The following PTK2 variants were observed in gnomAD, a reference collection of about 807,000 sequenced individuals.
PTK2 encodes focal adhesion kinase 1.
Under a neutral mutation model 150.1 loss-of-function variants are expected in PTK2, and 45 were observed. That is an observed-to-expected ratio of 0.30 (90% confidence interval 0.24 to 0.38). PTK2 has a LOEUF of 0.38. Among genes scored for constraint, PTK2 ranks in the 10% least tolerant of loss-of-function variants. The probability of loss-of-function intolerance (pLI) is 1.00; values close to 1 mark genes in which losing one functional copy is unlikely to be tolerated. For missense variants in PTK2, 919 were observed against 1,307.3 expected, an observed-to-expected ratio of 0.70 and a Z score of 4.58; for synonymous variants, 432 against 449.2, an observed-to-expected ratio of 0.96 and a Z score of 0.48.
intron 22 of PTK2, among the ~76,000 whole-genome samples, chr8:140,723,648 C>G (rs1406973645): frequency 6.6e-6 from 1 of 152,178 alleles, no homozygotes; most frequent in African/African-American, 2.4e-5. Context: ...AAGCTCTTAG[C>G]TGCCTAATGT....
exon 1 of PTK2, chr8:141,001,127 G>A (rs948903479): frequency 2.0e-4 from 30 of 151,448 alleles, no homozygotes; most frequent in African/African-American, 5.8e-4. Flanking sequence ...GCACTCACTC[G>A]GACCGCGGCT....
intron 26 of PTK2, among the ~76,000 whole-genome samples, chr8:140,698,391 T>C (rs543966932): frequency 1.3e-5 from 2 of 152,360 alleles, no homozygotes; most frequent in East Asian, 1.9e-4. Flanking sequence ...ACAGTAGATA[T>C]GTTCTTAGAA....
At chr8:140,739,572 G>A (rs550208984) in intron 20 of PTK2, among the ~76,000 whole-genome samples, 3 of 152,242 alleles carry the variant, frequency 2.0e-5, no homozygotes, top group East Asian at 3.9e-4. Context: ...CTGCTCTCAG[G>A]AGAAATATGT....
Position 140,674,263 on chromosome 8 carries a change from C to T in PTK2, c.2709+35G>A, listed in dbSNP as rs1441160023. 16 of 1,555,490 alleles carry T rather than the reference C, an allele frequency of 1.0e-5. No individual in the cohort carries two copies. In the Admixed American group the frequency reaches 2.9e-4, roughly 28 times the overall value. Reference sequence around the variant, plus strand: ...GAACTAGGGGACACCACAAATCCTGCAAGCAGAAGGTGCTGCACAGGCTCA... The same window carrying T: ...GAACTAGGGGACACCACAAATCCTGTAAGCAGAAGGTGCTGCACAGGCTCA... On this transcript the variant is annotated intron_variant, in intron 29 of 31. Transcript: ENST00000522684.
intron 2 of PTK2, among the ~76,000 whole-genome samples, chr8:140,919,054 T>C (rs1221504487): frequency 1.3e-5 from 2 of 152,122 alleles, no homozygotes; most frequent in Non-Finnish European, 2.9e-5. Flanking sequence ...GCAATCACAA[T>C]GGAAGCAGTG....
At chr8:140,714,833 A>G (rs2100038757) in intron 23 of PTK2, among the ~76,000 whole-genome samples, 1 of 149,892 alleles carries the variant, frequency 6.7e-6, no homozygotes, top group Admixed American at 6.7e-5. Flanking sequence ...TCTAAGTAAG[A>G]CTTACTTATT....
At chr8:140,898,196 C>G (rs1047344757) in intron 2 of PTK2, among the ~76,000 whole-genome samples, 5 of 152,140 alleles carry the variant, frequency 3.3e-5, no homozygotes, top group African/African-American at 1.2e-4. Flanking sequence ...CACAAAATTT[C>G]CATCATTAGA....
At chr8:140,876,524 G>T (rs1267331552) in intron 4 of PTK2, among the ~76,000 whole-genome samples, 1 of 48,542 alleles carries the variant, frequency 2.1e-5, no homozygotes, top group Non-Finnish European at 7.5e-5. Flanking sequence ...TAGTTTTATT[G>T]ACTCTATTTG....
chr8:140,963,206 C>G (rs1481499834), intron 1 of PTK2, among the ~76,000 whole-genome samples: 1 of 152,102 alleles, frequency 6.6e-6, no homozygotes, highest in Non-Finnish European at 1.5e-5. Context: ...AGCATCTCCT[C>G]TTAACTAATT....
intron 22 of PTK2, among the ~76,000 whole-genome samples, chr8:140,734,239 G>A (rs2100051238): frequency 6.6e-6 from 1 of 152,152 alleles, no homozygotes; most frequent in Non-Finnish European, 1.5e-5. Flanking sequence ...ATAAAATGGA[G>A]GAAGTCCCCA....
intron 1 of PTK2, among the ~76,000 whole-genome samples, chr8:140,958,302 C>G (rs572735752): frequency 1.6e-4 from 24 of 152,112 alleles, no homozygotes; most frequent in African/African-American, 5.8e-4. Context: ...CCATACCCAG[C>G]TAATTTCTTT....
chr8:140,888,468 T>C (rs867657171), intron 3 of PTK2, among the ~76,000 whole-genome samples: 1 of 152,226 alleles, frequency 6.6e-6, no homozygotes, highest in Non-Finnish European at 1.5e-5. Context: ...GACTGATAAT[T>C]TGCCAATTAC....
intron 1 of PTK2, among the ~76,000 whole-genome samples, chr8:140,996,893 T>G (rs889253945): frequency 6.6e-6 from 1 of 152,226 alleles, no homozygotes; most frequent in Non-Finnish European, 1.5e-5. Context: ...TTTTGACTTT[T>G]AAGTCTTAAA....
intron 14 of PTK2, among the ~76,000 whole-genome samples, chr8:140,772,595 A>G (rs986512731): frequency 2.0e-5 from 3 of 152,236 alleles, no homozygotes; most frequent in Non-Finnish European, 2.9e-5. Flanking sequence ...CCTGATTTTG[A>G]TAATTATACT....
chr8:140,833,552 T>TC (rs1427810331), intron 7 of PTK2, among the ~76,000 whole-genome samples: 1 of 152,160 alleles, frequency 6.6e-6, no homozygotes, highest in African/African-American at 2.4e-5. Context: ...AGGTCGCCTC[T>TC]CTCCATGATC....
intron 14 of PTK2, among the ~76,000 whole-genome samples, chr8:140,774,033 C>T (rs1474643041): frequency 6.6e-6 from 1 of 152,156 alleles, no homozygotes; most frequent in Non-Finnish European, 1.5e-5. Flanking sequence ...TATGTGATTA[C>T]GCTGGTTCAG....
Position 140,677,535 on chromosome 8 carries a change from CT to C in PTK2, c.2563-2037del, listed in dbSNP as rs2100014624. On this transcript the variant is annotated intron_variant, in intron 27 of 31. Coordinates refer to ENST00000522684, the Ensembl canonical transcript of PTK2. The stretch of plus-strand genomic sequence containing the variant: ...CTTTTGAAAAGAAAGACTTTTCTTG[CT>C]TACTTTAAAATAATGAACTGGCTAA... 3.9e-5 allele frequency among the ~76,000 whole-genome samples: 6 copies of C among 152,310 alleles called. No individual in the cohort carries two copies. In the South Asian group the frequency reaches 1.2e-3, roughly 32 times the overall value.
chr8:140,853,044 G>C (rs2100130300), intron 5 of PTK2, among the ~76,000 whole-genome samples: 2 of 152,138 alleles, frequency 1.3e-5, no homozygotes, highest in Non-Finnish European at 2.9e-5. Context: ...GTAAACACCT[G>C]TTTTCTCTCT....
At chr8:140,769,253 C>T (rs114041568) in intron 14 of PTK2, among the ~76,000 whole-genome samples, 170 of 152,230 alleles carry the variant, frequency 1.1e-3, no homozygotes, top group African/African-American at 4.0e-3. Context: ...AGTGTATGGA[C>T]CGCTACCATT....
Sources: allele counts gnomAD v4.1 joint callset (sites outside exome capture counted in the v4.1 genomes callset), GRCh38; gene constraint gnomAD v4.1.1; transcripts MANE v1.5; gene names NCBI Gene and HGNC (gene_info 2026-07-23, HGNC 2026-07-21).